The following SORCS3 variants were observed in gnomAD, a reference collection of about 807,000 sequenced individuals.
The protein encoded by SORCS3 is VPS10 domain-containing receptor SorCS3.
Under a neutral mutation model 146.3 loss-of-function variants are expected in SORCS3, and 57 were observed. The observed-to-expected ratio is 0.39, with a 90% CI of 0.31 to 0.49. The LOEUF is 0.49. Among genes scored for constraint, SORCS3 ranks in the 20% least tolerant of loss-of-function variants. The pLI, the probability that SORCS3 is intolerant of heterozygous loss-of-function variation, is 0.92. For synonymous variants in SORCS3, 653 were observed against 618.5 expected (o/e 1.06, Z -0.83); for missense variants, 1,341 against 1,575.5 (o/e 0.85, Z 2.52).
intron 5 of SORCS3, among the ~76,000 whole-genome samples, chr10:105,065,350 A>G (rs2055516014): frequency 6.6e-6 from 1 of 152,138 alleles, no homozygotes; most frequent in Non-Finnish European, 1.5e-5. Flanking sequence ...ATATCTATTG[A>G]GAGTGTGGAA....
At chr10:104,889,728 A>G (rs2018729088) in intron 2 of SORCS3, among the ~76,000 whole-genome samples, 1 of 152,110 alleles carries the variant, frequency 6.6e-6, no homozygotes. Context: ...TTATTTAAAT[A>G]GTTTATTCTT....
intron 1 of SORCS3, among the ~76,000 whole-genome samples, chr10:104,710,357 T>C (rs551129791): frequency 6.6e-6 from 1 of 152,342 alleles, no homozygotes; most frequent in South Asian, 2.1e-4. Flanking sequence ...CATTTATTCA[T>C]GTATCACATA....
At chr10:104,898,833 C>T (rs1305792891) in intron 2 of SORCS3, among the ~76,000 whole-genome samples, 2 of 152,086 alleles carry the variant, frequency 1.3e-5, no homozygotes, top group Non-Finnish European at 2.9e-5. Flanking sequence ...CCCTATTTTT[C>T]CCCCCATCAC....
intron 1 of SORCS3, among the ~76,000 whole-genome samples, chr10:104,669,688 G>T (rs1295143826): frequency 6.6e-6 from 1 of 152,138 alleles, no homozygotes; most frequent in African/African-American, 2.4e-5. Context: ...GAATAATGTT[G>T]CTATGAACAT....
intron 25 of SORCS3, among the ~76,000 whole-genome samples, chr10:105,257,776 C>T (rs1031750198): frequency 4.6e-5 from 7 of 152,068 alleles, no homozygotes; most frequent in African/African-American, 1.2e-4. Context: ...GTAGGTGCTA[C>T]GAACTAAGTA....
intron 4 of SORCS3, among the ~76,000 whole-genome samples, chr10:105,035,254 G>C (rs368364332): frequency 1.3e-5 from 2 of 152,240 alleles, no homozygotes; most frequent in South Asian, 4.2e-4. Flanking sequence ...AAATACCCAT[G>C]GAATTTTAAG....
At chr10:104,814,591 C>T (rs1013677619) in intron 1 of SORCS3, among the ~76,000 whole-genome samples, 4 of 152,158 alleles carry the variant, frequency 2.6e-5, no homozygotes, top group African/African-American at 9.7e-5. Flanking sequence ...GGAAGCCTGC[C>T]CTGATTGTCA....
chr10:104,716,604 T>C (rs1278299517), intron 1 of SORCS3, among the ~76,000 whole-genome samples: 2 of 152,024 alleles, frequency 1.3e-5, no homozygotes, highest in Non-Finnish European at 2.9e-5. Flanking sequence ...AGAATAAGAA[T>C]TGAACTTAAA....
intron 25 of SORCS3, among the ~76,000 whole-genome samples, chr10:105,261,377 G>A (rs1198945081): frequency 6.6e-6 from 1 of 152,172 alleles, no homozygotes; most frequent in East Asian, 1.9e-4. Flanking sequence ...GCTTCTATTA[G>A]AGTCTTGTAA....
At chr10:104,790,884 CTTT>C (rs1465729403) in intron 1 of SORCS3, among the ~76,000 whole-genome samples, 30 of 152,338 alleles carry the variant, frequency 2.0e-4, no homozygotes, top group African/African-American at 7.2e-4. Context: ...ACCCTCTCTT[CTTT>C]GTTTTAAGGA....
chr10:104,746,462 A>G (rs2016913184), intron 1 of SORCS3, among the ~76,000 whole-genome samples: 1 of 152,234 alleles, frequency 6.6e-6, no homozygotes, highest in South Asian at 2.1e-4. Flanking sequence ...GAAGTGATTA[A>G]ATAAGGCTAA....
intron 2 of SORCS3, among the ~76,000 whole-genome samples, chr10:104,863,616 G>T (rs949648937): frequency 6.6e-6 from 1 of 152,148 alleles, no homozygotes; most frequent in African/African-American, 2.4e-5. Flanking sequence ...AGAGGAGCAG[G>T]ATCCGTTTAA....
At chr10:104,992,921 T>C (rs1170966943) in intron 4 of SORCS3, among the ~76,000 whole-genome samples, 4 of 152,120 alleles carry the variant, frequency 2.6e-5, no homozygotes, top group Non-Finnish European at 5.9e-5. Context: ...GTTTTTTTTT[T>C]CTCTGTGTTT....
At chr10:104,887,978 C>G (rs2018708389) in intron 2 of SORCS3, among the ~76,000 whole-genome samples, 1 of 143,138 alleles carries the variant, frequency 7.0e-6, no homozygotes, top group African/African-American at 2.7e-5. Flanking sequence ...GGGGGCGGAG[C>G]AAGCCCATGA....
At chr10:105,258,678 C>T (rs773021551) in intron 25 of SORCS3, among the ~76,000 whole-genome samples, 18 of 152,156 alleles carry the variant, frequency 1.2e-4, no homozygotes, top group Admixed American at 2.0e-4. Flanking sequence ...ACTCCTTAGA[C>T]GGTCAACTTA....
At chr10:104,905,118 A>T (rs893285960) in intron 2 of SORCS3, among the ~76,000 whole-genome samples, 2 of 152,220 alleles carry the variant, frequency 1.3e-5, no homozygotes, top group African/African-American at 4.8e-5. Flanking sequence ...GTTGTCAAGA[A>T]CAGTCAGTGT....
intron 20 of SORCS3, among the ~76,000 whole-genome samples, chr10:105,240,510 T>C (rs1432930849): frequency 1.3e-5 from 2 of 152,206 alleles, no homozygotes; most frequent in African/African-American, 4.8e-5. Context: ...TTCTATCACA[T>C]GTCTATCTGT....
In SORCS3 at chr10:105,058,041, G is replaced by A. The variant is rs577355530; in HGVS notation, c.1028+14913G>A. ...CCGCTGGACAGCCATGTCATATTCC[G>A]ACATTCTCCAACCTTTTCCCCTAAC... On this transcript the variant is annotated intron_variant, in intron 5 of 26. Coordinates refer to ENST00000369701, the MANE Select transcript of SORCS3 (RefSeq NM_014978.3). Among the ~76,000 whole-genome samples, 45 of 152,266 alleles carry A rather than the reference G, an allele frequency of 3.0e-4. 1 individual carries two copies. In the East Asian group the frequency reaches 4.5e-3, roughly 15 times the overall value.
chr10:105,069,638 T>C (rs977151566), intron 5 of SORCS3, among the ~76,000 whole-genome samples: 1 of 152,238 alleles, frequency 6.6e-6, no homozygotes, highest in Non-Finnish European at 1.5e-5. Flanking sequence ...CTTTGCATCT[T>C]TCTGAAGCAT....
Sources: allele counts gnomAD v4.1 joint callset (sites outside exome capture counted in the v4.1 genomes callset), GRCh38; gene constraint gnomAD v4.1.1; transcripts MANE v1.5; gene names NCBI Gene and HGNC (gene_info 2026-07-23, HGNC 2026-07-21).